The following ANKRD30B variants were observed in gnomAD, a reference collection of about 807,000 sequenced individuals.
The protein encoded by ANKRD30B is ankyrin repeat domain-containing protein 30B.
In ANKRD30B, 144 loss-of-function variants were observed where a neutral mutation model predicts 202.2. The observed-to-expected ratio is 0.71, with a 90% CI of 0.62 to 0.82. The LOEUF is 0.82. Among genes scored for constraint, ANKRD30B ranks in the 40% least tolerant of loss-of-function variants. The pLI is 0.00. For missense variants in ANKRD30B, 1,487 were observed against 1,669.1 expected (o/e 0.89, Z 1.90); for synonymous variants, 508 against 561.3 (o/e 0.91, Z 1.34).
rs1300045879 is a variant in ANKRD30B, at chr18:14,852,107, G to T, written c.4163G>T (p.Cys1388Phe). The T allele has an allele frequency of 6.2e-7, 1 of 1,606,564 alleles. No homozygotes were observed. Among genetic ancestry groups the T allele is most frequent in the African/African-American group, 1.3e-5 (1 of 74,400 alleles). ...TCAGAACATGCACAAAGAGACCGAT[G>T]TGAAACACAGTGTCAAATGAAGAAA... ...LVSEHAQRDR[C>F]ETQCQMKKAE... is the part of the protein sequence containing the mutation. The change falls in exon 42 of 44, where the codon TGT (cysteine) becomes TTT (phenylalanine). Residue 1388 changes from cysteine to phenylalanine, a missense_variant. By Grantham distance (205) the Cys-to-Phe change is radical. Coordinates refer to ENST00000690538, the MANE Select transcript of ANKRD30B (RefSeq NM_001367607.2).
At chr18:14,830,827 G>A (rs1970887114) in intron 33 of ANKRD30B, among the ~76,000 whole-genome samples, 1 of 152,296 alleles carries the variant, frequency 6.6e-6, no homozygotes, top group Admixed American at 6.5e-5. Flanking sequence ...CTAAGAGTGA[G>A]TGTTCATTGG....
intron 16 of ANKRD30B, 119 bp downstream of exon 16, chr18:14,791,610 G>A (rs1451852374): frequency 1.3e-6 from 1 of 766,680 alleles, no homozygotes; most frequent in East Asian, 2.8e-5. Context: ...ACAGAAAAAA[G>A]AGAAGTGAAA....
At chr18:14,751,384 C>A (rs760013841) in intron 1 of ANKRD30B, among the ~76,000 whole-genome samples, 11 of 152,024 alleles carry the variant, frequency 7.2e-5, no homozygotes, top group African/African-American at 2.4e-5. Flanking sequence ...ACTCTCAAGA[C>A]CTTTTCATCC....
the ANKRD30B span, among the ~76,000 whole-genome samples, chr18:14,898,631 T>C: frequency 1.3e-5 from 2 of 152,170 alleles, no homozygotes; most frequent in Non-Finnish European, 2.9e-5. Context: ...GATTCCTTTT[T>C]TACTGATGCC....
At chr18:14,797,429 G>A (rs1296446873) in intron 18 of ANKRD30B, among the ~76,000 whole-genome samples, 3 of 152,140 alleles carry the variant, frequency 2.0e-5, no homozygotes, top group Admixed American at 1.3e-4. Context: ...ATGCAGTTTT[G>A]TATTTACAAT....
the ANKRD30B span, among the ~76,000 whole-genome samples, chr18:14,924,439 G>A: frequency 6.6e-6 from 1 of 152,188 alleles, no homozygotes; most frequent in East Asian, 1.9e-4. Context: ...TTACAAATAA[G>A]CACGTGCTCC....
rs370768046 is a variant in ANKRD30B, at chr18:14,817,635, T to C, written c.2641+2924T>C. Among the ~76,000 whole-genome samples, 94 of 152,344 alleles carry C rather than the reference T, an allele frequency of 6.2e-4. 1 individual carries two copies. In the South Asian group the frequency reaches 0.017, roughly 28 times the overall value. On this transcript the variant is annotated intron_variant, in intron 30 of 43. Coordinates refer to ENST00000690538, the MANE Select transcript of ANKRD30B (RefSeq NM_001367607.2). The stretch of plus-strand genomic sequence containing the variant: ...TAAAGGAAAATATTTTGGTTACATA[T>C]TCATTTCCTATCTCATGACACTCTG...
chr18:14,864,908 C>T, the ANKRD30B span, among the ~76,000 whole-genome samples: 8 of 151,868 alleles, frequency 5.3e-5, no homozygotes, highest in East Asian at 1.6e-3. Flanking sequence ...CTCTTTTAAC[C>T]CATCTACCTC....
chr18:14,837,086 C>G (rs1971208237), intron 34 of ANKRD30B, 125 bp from the exon 35 acceptor site: 4 of 617,200 alleles, frequency 6.5e-6, no homozygotes, highest in Non-Finnish European at 1.2e-5. Context: ...TTGACAGATA[C>G]AAAGTATGTT....
rs1377067435 is a variant in ANKRD30B at position 14,797,845 on chromosome 18, C to T, written c.2020C>T (p.Leu674Phe). The change falls in exon 20 of 44, where the codon CTC (leucine) becomes TTC (phenylalanine). Residue 674 changes from leucine (L) to phenylalanine (F), a missense_variant. Physicochemically the swap from Leu to Phe is conservative, Grantham distance 22 (BLOSUM62 0). Coordinates refer to ENST00000690538, the MANE Select transcript of ANKRD30B (RefSeq NM_001367607.2). The part of the protein sequence containing the change: ...KALELKDRET[L>F]KAESPDNDGL... The stretch of plus-strand genomic sequence containing the variant: ...CTTAGAATTAAAGGACAGAGAAACA[C>T]TCAAAGCAGGTACATTTTGTAATTT... 1.6e-5 allele frequency: 24 copies of T among 1,547,882 alleles called. No individual in the cohort carries two copies. In the Admixed American group the frequency reaches 1.8e-4, roughly 11 times the overall value.
the ANKRD30B span, among the ~76,000 whole-genome samples, chr18:14,913,132 C>A: frequency 3.9e-5 from 6 of 152,344 alleles, no homozygotes; most frequent in South Asian, 1.2e-3. Context: ...TCCTGCACAT[C>A]CATGTGGAAT....
intron 9 of ANKRD30B, among the ~76,000 whole-genome samples, chr18:14,775,055 A>G (rs909765437): frequency 6.6e-6 from 1 of 152,222 alleles, no homozygotes; most frequent in African/African-American, 2.4e-5. Flanking sequence ...TGAACCTGGG[A>G]GGTGGAGCTT....
At chr18:14,773,647 TCTCAA>T (rs1170706040) in intron 9 of ANKRD30B, among the ~76,000 whole-genome samples, 1 of 143,076 alleles carries the variant, frequency 7.0e-6, no homozygotes, top group Non-Finnish European at 1.5e-5. Flanking sequence ...ATAATTTTAA[TCTCAA>T]CTCATGTTCT....
At chr18:14,804,479 T>C (rs1969373838) in intron 24 of ANKRD30B, among the ~76,000 whole-genome samples, 1 of 147,928 alleles carries the variant, frequency 6.8e-6, no homozygotes, top group Non-Finnish European at 1.5e-5. Flanking sequence ...GAAAACCTTG[T>C]TAACAATTCA....
At chr18:14,769,755 T>C (rs1216712579) in intron 8 of ANKRD30B, among the ~76,000 whole-genome samples, 1 of 152,214 alleles carries the variant, frequency 6.6e-6, no homozygotes, top group Non-Finnish European at 1.5e-5. Flanking sequence ...AAAGTTACAT[T>C]TTGTTACAGG....
chr18:14,891,452 G>T, the ANKRD30B span, among the ~76,000 whole-genome samples: 1 of 143,872 alleles, frequency 7.0e-6, no homozygotes, highest in East Asian at 2.0e-4. Context: ...CAGAAATTGG[G>T]TTTAAGAAAA....
chr18:14,894,976 C>G, the ANKRD30B span, among the ~76,000 whole-genome samples: 9 of 151,934 alleles, frequency 5.9e-5, no homozygotes, highest in Non-Finnish European at 1.0e-4. Context: ...TATCATAGAT[C>G]ATCAAGGAAT....
At chr18:14,854,832 AACACACACAC>A (rs56259305), downstream of ANKRD30B, among the ~76,000 whole-genome samples, 900 of 134,168 alleles carry the variant, frequency 6.7e-3, 6 homozygotes, top group African/African-American at 0.018. Flanking sequence ...ACTATCCACG[AACACACACAC>A]ACACACACAC....
chr18:14,761,454 G>A (rs1397672543), intron 6 of ANKRD30B, among the ~76,000 whole-genome samples: 1 of 126,764 alleles, frequency 7.9e-6, no homozygotes, highest in African/African-American at 2.6e-5. Flanking sequence ...TCCTGCCCAT[G>A]GGTGATCAAA....
Sources: gnomAD v4.1 joint callset for allele counts (sites outside exome capture counted in the v4.1 genomes callset) on GRCh38, gnomAD v4.1.1 for gene constraint, MANE v1.5 for transcripts, NCBI Gene and HGNC (gene_info 2026-07-23, HGNC 2026-07-21) for gene names.